ADGRL3: variants seen among roughly 807,000 people sequenced by gnomAD.
ADGRL3 encodes the protein calcium-independent alpha-latrotoxin receptor 3.
Under a neutral mutation model 153.5 loss-of-function variants are expected in ADGRL3, and 62 were observed. The ratio of observed to expected loss-of-function variants is 0.40; its 90% CI spans 0.33 to 0.50. The LOEUF is 0.50. Ranked by LOEUF, ADGRL3 falls within the 20% of genes least tolerant of loss-of-function variation. The pLI is 0.47. For missense variants in ADGRL3, 1,641 were observed against 1,859.4 expected, an observed-to-expected ratio of 0.88 and a Z score of 2.16; for synonymous variants, 710 against 672.5, an observed-to-expected ratio of 1.06 and a Z score of -0.86.
At chr4:61,533,052 C>A (rs1196730841) in intron 4 of ADGRL3, among the ~76,000 whole-genome samples, 1 of 152,072 alleles carries the variant, frequency 6.6e-6, no homozygotes, top group African/African-American at 2.4e-5. Context: ...CTGAAAGCAG[C>A]CTTAATTAGG....
chr4:61,750,929 T>C (rs2096749665), intron 8 of ADGRL3, among the ~76,000 whole-genome samples: 2 of 152,156 alleles, frequency 1.3e-5, no homozygotes, highest in Non-Finnish European at 2.9e-5. Flanking sequence ...GATTCCTCCG[T>C]AGCGGTCTGT....
chr4:61,684,786 C>A, intron 6 of ADGRL3, among the ~76,000 whole-genome samples: 1 of 151,896 alleles, frequency 6.6e-6, no homozygotes, highest in East Asian at 1.9e-4. Context: ...TTCAGTAATT[C>A]ATTGTATTGT....
chr4:61,965,026 G>A (rs2099000870), intron 17 of ADGRL3, among the ~76,000 whole-genome samples: 1 of 151,872 alleles, frequency 6.6e-6, no homozygotes, highest in Admixed American at 6.6e-5. Context: ...TTTTGGACAG[G>A]ATCTCACTCT....
At chr4:61,373,100 G>T (rs897702648) in intron 1 of ADGRL3, among the ~76,000 whole-genome samples, 1 of 152,126 alleles carries the variant, frequency 6.6e-6, no homozygotes, top group Admixed American at 6.5e-5. Flanking sequence ...TGCAGGGTGC[G>T]CACACTCACT....
intron 9 of ADGRL3, among the ~76,000 whole-genome samples, chr4:61,877,130 G>A (rs1273608527): frequency 6.6e-6 from 1 of 152,112 alleles, no homozygotes; most frequent in East Asian, 1.9e-4. Context: ...TTTAAAGTGA[G>A]AGAACATCAA....
intron 1 of ADGRL3, among the ~76,000 whole-genome samples, chr4:61,319,472 A>C (rs2095308563): frequency 6.6e-6 from 1 of 152,136 alleles, no homozygotes; most frequent in Admixed American, 6.6e-5. Context: ...TAATTCCTGA[A>C]AATTGACTTC....
At chr4:61,792,623 G>T (rs1331170992) in intron 8 of ADGRL3, among the ~76,000 whole-genome samples, 2 of 151,752 alleles carry the variant, frequency 1.3e-5, no homozygotes, top group African/African-American at 4.8e-5. Flanking sequence ...CTGAGTAGCT[G>T]GGATTACAGG....
intron 6 of ADGRL3, among the ~76,000 whole-genome samples, chr4:61,707,323 T>C (rs567082084): frequency 6.6e-6 from 1 of 152,252 alleles, no homozygotes; most frequent in African/African-American, 2.4e-5. Context: ...TTGAAAAACA[T>C]GGCGCCAATT....
chr4:61,476,723 A>T, intron 2 of ADGRL3, among the ~76,000 whole-genome samples: 1 of 148,470 alleles, frequency 6.7e-6, no homozygotes, highest in Non-Finnish European at 1.5e-5. Flanking sequence ...AAAAAAAAAA[A>T]AAAAAAAAAA....
At chr4:61,977,339 G>A (rs2099051687) in intron 17 of ADGRL3, among the ~76,000 whole-genome samples, 1 of 151,724 alleles carries the variant, frequency 6.6e-6, no homozygotes, top group Non-Finnish European at 1.5e-5. Flanking sequence ...CTCAATCGCA[G>A]CATCTTTCCT....
At chr4:61,813,555 T>G (rs1339452082) in intron 8 of ADGRL3, among the ~76,000 whole-genome samples, 1 of 152,088 alleles carries the variant, frequency 6.6e-6, no homozygotes, top group East Asian at 1.9e-4. Context: ...TTTAAAGTTA[T>G]CACTCCATAA....
intron 1 of ADGRL3, among the ~76,000 whole-genome samples, chr4:61,297,837 A>G (rs981537473): frequency 6.6e-6 from 1 of 151,940 alleles, no homozygotes; most frequent in African/African-American, 2.4e-5. Flanking sequence ...CACCACCACC[A>G]CCACCATCAT....
At chr4:61,324,385 A>G (rs761656330) in intron 1 of ADGRL3, among the ~76,000 whole-genome samples, 1 of 152,132 alleles carries the variant, frequency 6.6e-6, no homozygotes, top group Non-Finnish European at 1.5e-5. Context: ...ATTAATAAGC[A>G]TGTTAAAAAA....
chr4:61,285,301 G>A (rs2093890768), intron 1 of ADGRL3, among the ~76,000 whole-genome samples: 1 of 151,652 alleles, frequency 6.6e-6, no homozygotes, highest in Non-Finnish European at 1.5e-5. Flanking sequence ...CAAATGGGAG[G>A]GCAGATATAT....
intron 5 of ADGRL3, among the ~76,000 whole-genome samples, chr4:61,593,963 T>G (rs1406573801): frequency 6.6e-6 from 1 of 152,102 alleles, no homozygotes; most frequent in African/African-American, 2.4e-5. Flanking sequence ...TTGAGGCTAT[T>G]TTCTAGGCAT....
intron 4 of ADGRL3, among the ~76,000 whole-genome samples, chr4:61,533,473 A>ATT (rs11374089): frequency 1.6e-4 from 24 of 151,760 alleles, no homozygotes; most frequent in Middle Eastern, 3.4e-3. Flanking sequence ...GAGCATTTGT[A>ATT]TTTTTTTTAT....
At chr4:61,531,280 G>T (rs1050690845) in intron 4 of ADGRL3, among the ~76,000 whole-genome samples, 1 of 152,154 alleles carries the variant, frequency 6.6e-6, no homozygotes, top group African/African-American at 2.4e-5. Flanking sequence ...GGAAACAAGG[G>T]TGTTTTGTTT....
At chr4:61,299,395 C>T (rs1035509294) in intron 1 of ADGRL3, among the ~76,000 whole-genome samples, 1 of 151,930 alleles carries the variant, frequency 6.6e-6, no homozygotes, top group Non-Finnish European at 1.5e-5. Flanking sequence ...TGAAAGCCTG[C>T]GTTTTTTGTC....
intron 1 of ADGRL3, among the ~76,000 whole-genome samples, chr4:61,212,422 G>A (rs1018135560): frequency 6.6e-6 from 1 of 152,098 alleles, no homozygotes; most frequent in African/African-American, 2.4e-5. Flanking sequence ...TCAGATAATT[G>A]AGCATGGATA....
Sources: allele counts gnomAD v4.1 joint callset (sites outside exome capture counted in the v4.1 genomes callset), GRCh38; gene constraint gnomAD v4.1.1; transcripts MANE v1.5; gene names NCBI Gene and HGNC (gene_info 2026-07-23, HGNC 2026-07-21).